Variants in LMO7 observed in about 807,000 individuals in gnomAD.
The protein encoded by LMO7 is LIM domain only protein 7.
A neutral mutation model predicts 206.5 loss-of-function variants in LMO7; 120 were observed. The ratio of observed to expected loss-of-function variants is 0.58; its 90% CI spans 0.50 to 0.68. The LOEUF (loss-of-function observed/expected upper bound fraction) is 0.68. LMO7 is among the 30% of genes least tolerant of loss of function. The probability of loss-of-function intolerance (pLI) is 0.00; values close to 1 mark genes in which losing one functional copy is unlikely to be tolerated. For synonymous variants in LMO7, 706 were observed against 681.5 expected, an observed-to-expected ratio of 1.04 and a Z score of -0.56; for missense variants, 1,959 against 1,957.9, an observed-to-expected ratio of 1.00 and a Z score of -0.01.
exon 1 of LMO7, chr13:75,620,899 G>C (rs2033280236): frequency 6.6e-6 from 1 of 151,864 alleles, no homozygotes; most frequent in Non-Finnish European, 1.5e-5. Context: ...TGAGATTATG[G>C]CATAAAATAT....
In LMO7 at chr13:75,703,875, T is replaced by C. The variant is rs2042463955; in HGVS notation, c.70-9307T>C. Among the ~76,000 whole-genome samples, 5 of 152,206 alleles carry C rather than the reference T, an allele frequency of 3.3e-5. No homozygotes were observed. The South Asian group carries it at 1.0e-3, about 31-fold the overall frequency. ...GTAGGAGATATTTATTCCATTTAAATTATGTTCTGTTTTTACCTAATGTGT... is the reference window on the plus strand; with the variant it reads ...GTAGGAGATATTTATTCCATTTAAACTATGTTCTGTTTTTACCTAATGTGT... On this transcript the variant is annotated intron_variant, in intron 1 of 30. Transcript: ENST00000377534.
rs189423943 is a variant in LMO7 at position 75,654,568 on chromosome 13, G to A, written c.69+17842G>A. On this transcript the variant is annotated intron_variant, in intron 1 of 30. Transcript: ENST00000377534. ...GATAATAGATGGGGCTGTGGCGTGT[G>A]GGGGGTTAGAGATGGGGCAAACAAA... Among the ~76,000 whole-genome samples, 96 of 152,184 alleles carry A rather than the reference G, an allele frequency of 6.3e-4. 1 individual carries two copies. The highest frequency in any genetic ancestry group is 2.2e-3 in the African/African-American group (92 of 41,536).
intron 3 of LMO7, among the ~76,000 whole-genome samples, chr13:75,729,547 T>C (rs2044890228): frequency 1.3e-5 from 2 of 151,988 alleles, no homozygotes; most frequent in African/African-American, 4.8e-5. Context: ...TGGGGTTTTC[T>C]AAATATACAA....
chr13:75,647,079 G>A (rs1038581456), intron 1 of LMO7, among the ~76,000 whole-genome samples: 1 of 151,498 alleles, frequency 6.6e-6, no homozygotes, highest in African/African-American at 2.4e-5. Context: ...GTGTGTGTGT[G>A]TGTGTGTCTA....
chr13:75,763,656 C>T (rs1303793576), intron 4 of LMO7, among the ~76,000 whole-genome samples: 1 of 152,132 alleles, frequency 6.6e-6, no homozygotes, highest in Non-Finnish European at 1.5e-5. Flanking sequence ...TCTACCGGTG[C>T]ATAGACTTGT....
chr13:75,726,720 T>A (rs996529274), intron 2 of LMO7, among the ~76,000 whole-genome samples: 3 of 152,140 alleles, frequency 2.0e-5, no homozygotes, highest in Admixed American at 1.3e-4. Context: ...AAACTGGCAG[T>A]TGAAGCAGAA....
chr13:75,837,176 T>C (rs1051359599), intron 19 of LMO7, among the ~76,000 whole-genome samples: 1 of 152,208 alleles, frequency 6.6e-6, no homozygotes, highest in Non-Finnish European at 1.5e-5. Flanking sequence ...TTATAATACA[T>C]TTTCTTAAAG....
chr13:75,638,610 C>T (rs1324362162), intron 1 of LMO7, among the ~76,000 whole-genome samples: 3 of 151,900 alleles, frequency 2.0e-5, no homozygotes, highest in African/African-American at 7.3e-5. Flanking sequence ...AGTATGTTTG[C>T]CTTCATTGTG....
At chr13:75,847,036 A>T (rs1044218740) in intron 26 of LMO7, among the ~76,000 whole-genome samples, 1 of 151,944 alleles carries the variant, frequency 6.6e-6, no homozygotes, top group Non-Finnish European at 1.5e-5. Flanking sequence ...TCTCAAAAAA[A>T]AAAAAAAAAA....
chr13:75,738,780 G>A (rs1212089030), intron 3 of LMO7, among the ~76,000 whole-genome samples: 1 of 152,122 alleles, frequency 6.6e-6, no homozygotes, highest in Non-Finnish European at 1.5e-5. Context: ...AAGAGCTATT[G>A]AACCAGAATA....
At chr13:75,662,599 G>A (rs2038708436) in intron 1 of LMO7, among the ~76,000 whole-genome samples, 1 of 149,316 alleles carries the variant, frequency 6.7e-6, no homozygotes, top group African/African-American at 2.4e-5. Context: ...GATTACAGGC[G>A]TGAGCCACTG....
At chr13:75,788,588 A>G (rs1025217562) in intron 4 of LMO7, among the ~76,000 whole-genome samples, 7 of 152,128 alleles carry the variant, frequency 4.6e-5, no homozygotes, top group Non-Finnish European at 7.3e-5. Flanking sequence ...AACCAGATGC[A>G]GTCCATATAC....
intron 1 of LMO7, among the ~76,000 whole-genome samples, chr13:75,703,444 G>A (rs1374371941): frequency 6.6e-6 from 1 of 152,104 alleles, no homozygotes; most frequent in Admixed American, 6.5e-5. Flanking sequence ...TGCTCAATGC[G>A]CTGATATATA....
intron 2 of LMO7, 107 bp downstream of exon 2, chr13:75,713,359 G>C: frequency 6.0e-6 from 4 of 672,108 alleles, no homozygotes; most frequent in Non-Finnish European, 9.9e-6. Context: ...ACAGATATGT[G>C]TTCTTGGTCA....
At chr13:75,776,685 C>A (rs583368) in intron 4 of LMO7, among the ~76,000 whole-genome samples, 101,703 of 151,910 alleles carry the variant, frequency 0.67, 34,346 homozygotes, top group East Asian at 0.92. Context: ...TCCCACAATT[C>A]TAATCGAGGT....
intron 15 of LMO7, among the ~76,000 whole-genome samples, chr13:75,825,570 C>T (rs750542661): frequency 1.6e-4 from 25 of 152,122 alleles, no homozygotes; most frequent in Non-Finnish European, 2.9e-4. Context: ...AGAGGGTATT[C>T]CACCAAGAAA....
intron 1 of LMO7, among the ~76,000 whole-genome samples, chr13:75,704,972 A>G (rs2042546520): frequency 6.6e-6 from 1 of 152,252 alleles, no homozygotes. Context: ...TTTATCTGAT[A>G]GATATTTTCT....
At chr13:75,641,721 C>A (rs1390765588) in intron 1 of LMO7, among the ~76,000 whole-genome samples, 4 of 152,116 alleles carry the variant, frequency 2.6e-5, no homozygotes, top group Non-Finnish European at 5.9e-5. Flanking sequence ...GTGCTGTGAT[C>A]TTGGCTCACT....
At chr13:75,741,002 C>G (rs2046362958) in intron 3 of LMO7, among the ~76,000 whole-genome samples, 1 of 152,092 alleles carries the variant, frequency 6.6e-6, no homozygotes, top group African/African-American at 2.4e-5. Context: ...TGCATCAGAC[C>G]TTGGTGTTTC....
Sources: allele counts gnomAD v4.1 joint callset (sites outside exome capture counted in the v4.1 genomes callset), GRCh38; gene constraint gnomAD v4.1.1; transcripts MANE v1.5; gene names NCBI Gene and HGNC (gene_info 2026-07-23, HGNC 2026-07-21).